The following LINGO2 variants were observed in gnomAD, a reference collection of about 807,000 sequenced individuals.
LINGO2 encodes the protein leucine-rich repeat and immunoglobulin-like domain-containing nogo receptor-interacting protein 2.
LINGO2 carries 14 observed loss-of-function variants against 30.6 expected under a neutral mutation model. The observed-to-expected ratio is 0.46, with a 90% confidence interval of 0.30 to 0.72. LINGO2 has a LOEUF of 0.72. Among genes scored for constraint, LINGO2 ranks in the 30% least tolerant of loss-of-function variants. The pLI is 0.07. For synonymous variants in LINGO2, 317 were observed against 288.5 expected, an observed-to-expected ratio of 1.10 and a Z score of -1.00; for missense variants, 729 against 751.7, an observed-to-expected ratio of 0.97 and a Z score of 0.35.
intron 1 of LINGO2, among the ~76,000 whole-genome samples, chr9:28,584,468 C>T (rs566890340): frequency 3.3e-5 from 5 of 152,036 alleles, no homozygotes; most frequent in South Asian, 4.1e-4. Context: ...TTCACAATAT[C>T]TCTTTAGCAC....
chr9:28,980,951 T>C, the LINGO2 span, among the ~76,000 whole-genome samples: 2 of 152,120 alleles, frequency 1.3e-5, no homozygotes, highest in Admixed American at 6.6e-5. Context: ...GGATGATCAA[T>C]AGATGTTTCA....
At chr9:28,972,298 T>C in the LINGO2 span, among the ~76,000 whole-genome samples, 1 of 152,212 alleles carries the variant, frequency 6.6e-6, no homozygotes, top group African/African-American at 2.4e-5. Flanking sequence ...CAAAATGAAC[T>C]AAAGATGACA....
At chr9:27,949,644 G>A (rs1823533263) in exon 6 of LINGO2, 1 of 1,614,076 alleles carries the variant, frequency 6.2e-7, no homozygotes, top group Non-Finnish European at 8.5e-7. Context: ...AGCCCTAGGG[G>A]AGGAGAAGAC....
At chr9:28,475,261 G>A (rs1261992160) in intron 2 of LINGO2, among the ~76,000 whole-genome samples, 3 of 152,116 alleles carry the variant, frequency 2.0e-5, no homozygotes, top group African/African-American at 4.8e-5. Flanking sequence ...ATAATTATTT[G>A]TGAAGTAGCA....
intron 3 of LINGO2, among the ~76,000 whole-genome samples, chr9:28,334,975 T>C (rs1021142922): frequency 5.3e-5 from 8 of 152,154 alleles, no homozygotes; most frequent in Non-Finnish European, 1.0e-4. Flanking sequence ...GCCAGTGAGA[T>C]AGAGGCCAGG....
the LINGO2 span, among the ~76,000 whole-genome samples, chr9:29,019,073 G>T: frequency 6.6e-6 from 1 of 152,130 alleles, no homozygotes; most frequent in Admixed American, 6.6e-5. Flanking sequence ...TGTGTATTGT[G>T]CTGTCTTTCT....
chr9:29,210,907 T>G, the LINGO2 span, among the ~76,000 whole-genome samples: 1 of 152,172 alleles, frequency 6.6e-6, no homozygotes, highest in Non-Finnish European at 1.5e-5. Flanking sequence ...GAGTAACGCA[T>G]GCTACTGGGT....
At position 27,997,485 on chromosome 9, in the gene LINGO2, C is replaced by T. The variant is rs188709203; in HGVS notation, c.-36+14870G>A. ...CAAGCTGTGTGACCCTGGACAGATCCCTGCCCCTTGTTGGGCCTCAGACTC... is the reference window on the plus strand; with the variant it reads ...CAAGCTGTGTGACCCTGGACAGATCTCTGCCCCTTGTTGGGCCTCAGACTC... On this transcript the variant is annotated intron_variant, in intron 5 of 5. Transcript: ENST00000379992. 5.3e-5 allele frequency among the ~76,000 whole-genome samples: 8 copies of T among 152,266 alleles called. No individual in the cohort carries two copies. In the East Asian group the frequency reaches 1.5e-3, roughly 29 times the overall value.
chr9:28,220,268 G>A (rs1820911678), intron 4 of LINGO2, among the ~76,000 whole-genome samples: 1 of 152,036 alleles, frequency 6.6e-6, no homozygotes, highest in South Asian at 2.1e-4. Context: ...AAAAGAAACT[G>A]GTTGAATTTT....
intron 1 of LINGO2, among the ~76,000 whole-genome samples, chr9:28,587,564 G>C (rs1261300421): frequency 6.6e-6 from 1 of 151,836 alleles, no homozygotes; most frequent in Non-Finnish European, 1.5e-5. Flanking sequence ...AGGACACCCA[G>C]GGCTTAGTAT....
the LINGO2 span, among the ~76,000 whole-genome samples, chr9:28,878,533 C>G: frequency 6.6e-6 from 1 of 151,908 alleles, no homozygotes; most frequent in Non-Finnish European, 1.5e-5. Context: ...GAGACACAAC[C>G]AAAAAAGAGA....
intron 1 of LINGO2, among the ~76,000 whole-genome samples, chr9:28,566,549 A>G (rs1287428056): frequency 2.6e-5 from 4 of 152,124 alleles, no homozygotes; most frequent in African/African-American, 9.7e-5. Flanking sequence ...CATCCCTGAA[A>G]ACTGCTCCCT....
the LINGO2 span, among the ~76,000 whole-genome samples, chr9:29,040,279 G>A: frequency 1.3e-5 from 2 of 151,772 alleles, no homozygotes; most frequent in African/African-American, 4.8e-5. Context: ...GTAGCATAAA[G>A]GTAAAATATA....
At chr9:28,231,779 G>C (rs1287531371) in intron 4 of LINGO2, among the ~76,000 whole-genome samples, 1 of 151,944 alleles carries the variant, frequency 6.6e-6, no homozygotes, top group African/African-American at 2.4e-5. Context: ...TTACAGATCA[G>C]ACCATCAACA....
intron 4 of LINGO2, among the ~76,000 whole-genome samples, chr9:28,090,182 A>T (rs933015640): frequency 2.6e-5 from 4 of 152,164 alleles, no homozygotes; most frequent in African/African-American, 9.7e-5. Context: ...CAATCAATAG[A>T]AAAAGAGGGA....
chr9:29,124,173 T>A, the LINGO2 span, among the ~76,000 whole-genome samples: 3 of 152,140 alleles, frequency 2.0e-5, no homozygotes, highest in Non-Finnish European at 2.9e-5. Context: ...GGATTCCCTA[T>A]TAAATAAATG....
chr9:28,334,771 C>G (rs1000565912), intron 3 of LINGO2, among the ~76,000 whole-genome samples: 2 of 152,118 alleles, frequency 1.3e-5, no homozygotes, highest in African/African-American at 2.4e-5. Context: ...TGGAGCACCA[C>G]AGTCATGAAC....
intron 1 of LINGO2, among the ~76,000 whole-genome samples, chr9:28,594,210 T>C (rs1825063899): frequency 6.6e-6 from 1 of 152,052 alleles, no homozygotes; most frequent in African/African-American, 2.4e-5. Context: ...CATTTAAGGT[T>C]CTCTCTACAT....
chr9:27,952,775 G>A (rs1819381106), intron 5 of LINGO2, among the ~76,000 whole-genome samples: 1 of 151,996 alleles, frequency 6.6e-6, no homozygotes, highest in Non-Finnish European at 1.5e-5. Context: ...TCAAATGTAA[G>A]AAGAAAACAT....
Sources: gnomAD v4.1 joint callset for allele counts (sites outside exome capture counted in the v4.1 genomes callset) on GRCh38, gnomAD v4.1.1 for gene constraint, MANE v1.5 for transcripts, NCBI Gene and HGNC (gene_info 2026-07-23, HGNC 2026-07-21) for gene names.